CTPS1: variants seen among roughly 807,000 people sequenced by gnomAD.
The protein encoded by CTPS1 is CTP synthase 1.
A neutral mutation model predicts 80.5 loss-of-function variants in CTPS1; 25 were observed. That is an observed-to-expected ratio of 0.31 (90% CI 0.23 to 0.43). The LOEUF (loss-of-function observed/expected upper bound fraction) is 0.43, where lower values mean the gene tolerates loss of function less well. Ranked by LOEUF, CTPS1 falls within the 20% of genes least tolerant of loss-of-function variation. The pLI, the probability that CTPS1 is intolerant of heterozygous loss-of-function variation, is 1.00. For missense variants in CTPS1, 442 were observed against 725.7 expected (o/e 0.61, Z 4.49); for synonymous variants, 267 against 252.5 (o/e 1.06, Z -0.54).
At position 41,002,239 on chromosome 1, in the gene CTPS1, A is replaced by C; in HGVS notation, c.1174A>C (p.Lys392Gln). 1 of 1,614,166 alleles carries C rather than the reference A, an allele frequency of 6.2e-7. No individual in the cohort carries two copies. Among genetic ancestry groups the C allele is most frequent in the Non-Finnish European group, 8.5e-7 (1 of 1,180,016 alleles). Residue 392 changes from lysine (K) to glutamine (Q), a missense_variant, in exon 11 of 19, where the codon AAA becomes CAA. Lys to Gln is a moderately conservative substitution (Grantham distance 53). Around this residue, in one of 4 missense-constraint regions of CTPS1, gnomAD observed 321 missense variants for 467.2 expected, o/e 0.69. Transcript: ENST00000650070. The stretch of plus-strand genomic sequence containing the variant: ...AGCAATTGCCTGGGCTCGGAATCAG[A>C]AAAAGCCTTTTTTGGGTAAGGAGCT... ...IQAIAWARNQ[K>Q]KPFLGVCLGM... is the part of the protein sequence containing the mutation.
At chr1:40,996,112 C>A (rs1275390993) in intron 8 of CTPS1, 44 bp downstream of exon 8, 11 of 1,610,534 alleles carry the variant, frequency 6.8e-6, no homozygotes, top group Non-Finnish European at 8.5e-6. Flanking sequence ...CTCCTTTACT[C>A]TTTTGTAGGG....
rs1229392946 is a variant in CTPS1 at position 41,012,051 on chromosome 1, G to C, written c.*403G>C. ...CACATGGACTTACCGAGCATGGAGAGAGGATTTTAGCTAGGATTTGAACAC... is the reference window on the plus strand; with the variant it reads ...CACATGGACTTACCGAGCATGGAGACAGGATTTTAGCTAGGATTTGAACAC... On this transcript the variant is annotated 3_prime_UTR_variant, in exon 19 of 19. Coordinates refer to ENST00000650070, the MANE Select transcript of CTPS1 (RefSeq NM_001905.4). The C allele has an allele frequency of 6.6e-6, 1 of 152,208 alleles. No homozygotes were observed. The highest frequency in any genetic ancestry group is 1.5e-5 in the Non-Finnish European group (1 of 68,060). The allele number at this position is 152,208 out of a possible 1,614,324, so 9.4% of individuals were successfully genotyped here. A position where few individuals can be genotyped will look rare whatever the true frequency, so the allele number is the denominator to read the frequency against.
intron 11 of CTPS1, 44 bp downstream of exon 11, chr1:41,002,298 A>G: frequency 1.3e-6 from 2 of 1,538,880 alleles, no homozygotes; most frequent in Non-Finnish European, 1.8e-6. Flanking sequence ...AGTAGGAAAG[A>G]GTGGGGAACG....
chr1:41,000,625 T>C, intron 9 of CTPS1, among the ~76,000 whole-genome samples: 1 of 152,080 alleles, frequency 6.6e-6, no homozygotes, highest in East Asian at 1.9e-4. Context: ...TATTTTATTG[T>C]ATGTGAATTA....
chr1:40,986,596 C>T (rs1642459356), intron 3 of CTPS1, among the ~76,000 whole-genome samples: 1 of 152,168 alleles, frequency 6.6e-6, no homozygotes, highest in South Asian at 2.1e-4. Context: ...AAATGAATAT[C>T]CTTGTGCATG....
chr1:41,000,626 A>C (rs1219824751), intron 9 of CTPS1, among the ~76,000 whole-genome samples: 55 of 152,168 alleles, frequency 3.6e-4, no homozygotes, highest in Non-Finnish European at 1.3e-4. Context: ...ATTTTATTGT[A>C]TGTGAATTAT....
rs776425369 is a variant in CTPS1 at position 41,007,780 on chromosome 1, C to G, written c.1393+235C>G. 6.6e-6 allele frequency among the ~76,000 whole-genome samples: 1 copy of G among 152,170 alleles called. No individual in the cohort carries two copies. Among genetic ancestry groups the G allele is most frequent in the Non-Finnish European group, 1.5e-5 (1 of 68,038 alleles). On this transcript the variant is annotated intron_variant, in intron 14 of 18. Transcript: ENST00000650070. This position sits in a 1 kb window ranked among gnomAD's most constrained non-coding sequence, Gnocchi z 4.4. ...GTGCAGTCAGACTCCTAGGCATGGG[C>G]GCCTCAACAGAATGAGGCAGTGAGG...
At chr1:41,001,178 T>G (rs1570970770) in intron 10 of CTPS1, 61 bp downstream of exon 10, 5 of 1,271,092 alleles carry the variant, frequency 3.9e-6, no homozygotes, top group Admixed American at 2.5e-5. Flanking sequence ...AATGAAAAAG[T>G]CCTCTTGTTT....
rs138684503 is a variant in CTPS1 at position 40,986,227 on chromosome 1, G to C, written c.338-1145G>C. ...GAGTGACTGGGGAAAGCCACTTTGG[G>C]CAGGTGGTCGGGGAGTCTCCCAAGA... On this transcript the variant is annotated intron_variant, in intron 3 of 18. Transcript: ENST00000650070. Among the ~76,000 whole-genome samples the C allele has an allele frequency of 3.9e-3, 597 of 152,378 alleles. 3 individuals are homozygous for C. Among genetic ancestry groups the C allele is most frequent in the African/African-American group, 0.013 (557 of 41,592 alleles).
At chr1:41,008,426 A>G (rs1386679187) in intron 14 of CTPS1, among the ~76,000 whole-genome samples, 1 of 152,164 alleles carries the variant, frequency 6.6e-6, no homozygotes, top group Non-Finnish European at 1.5e-5. Flanking sequence ...GGTGGTGGTG[A>G]GAGTCTTGTT....
At chr1:40,983,711 C>T (rs557183209) in intron 2 of CTPS1, among the ~76,000 whole-genome samples, 1 of 151,774 alleles carries the variant, frequency 6.6e-6, no homozygotes, top group Non-Finnish European at 1.5e-5. Context: ...CAGCTTCCAC[C>T]TCCTTGGCTC....
At chr1:40,998,516 C>A (rs893586477) in intron 9 of CTPS1, among the ~76,000 whole-genome samples, 2 of 151,932 alleles carry the variant, frequency 1.3e-5, no homozygotes, top group Non-Finnish European at 2.9e-5. Context: ...CCTCTTTGTG[C>A]CTCAGTTTCC....
rs755366418 is a variant in CTPS1, at chr1:40,988,584, GTTC to G, written c.439-5_439-3del. 3.7e-6 allele frequency: 6 copies of G among 1,603,408 alleles called. No individual in the cohort carries two copies. The highest frequency in any genetic ancestry group is 5.1e-6 in the Non-Finnish European group (6 of 1,170,564). ...AGTGCCTAACCTCTGAAACAACTTT[GTTC>G]TTCTAGCTTGGTGGAACCGTGGGGG... On this transcript the variant is annotated splice_polypyrimidine_tract_variant and splice_region_variant and intron_variant, in intron 4 of 18. Coordinates refer to ENST00000650070, the MANE Select transcript of CTPS1 (RefSeq NM_001905.4).
chr1:40,999,373 T>G (rs755090522), intron 9 of CTPS1, among the ~76,000 whole-genome samples: 1 of 152,072 alleles, frequency 6.6e-6, no homozygotes, highest in African/African-American at 2.4e-5. Context: ...ACTGCAGGGT[T>G]TAGGTAGGAG....
In CTPS1 at chr1:40,984,863, A is replaced by G. The variant is rs766634874; in HGVS notation, c.209A>G (p.Asp70Gly). 6.3e-7 allele frequency: 1 copy of G among 1,595,840 alleles called. No homozygotes were observed. Among genetic ancestry groups the G allele is most frequent in the Non-Finnish European group, 8.6e-7 (1 of 1,168,054 alleles). Residue 70 changes from aspartate (D) to glycine (G), a missense_variant, in exon 3 of 19, where the codon GAC (aspartate) becomes GGC (glycine). By Grantham distance (94) the Asp-to-Gly change is moderately conservative. Around this residue, in one of 4 missense-constraint regions of CTPS1, gnomAD observed 69 missense variants for 102.1 expected, o/e 0.68. Transcript: ENST00000650070. Reference sequence around the variant, plus strand: ...GATGATGGTGGGGAAGTAGACCTTGACCTGGGTAACTATGAGCGGTTCCTT... The same window carrying G: ...GATGATGGTGGGGAAGTAGACCTTGGCCTGGGTAACTATGAGCGGTTCCTT... ...VLDDGGEVDL[D>G]LGNYERFLDI...
intron 3 of CTPS1, 110 bp from the exon 4 acceptor site, chr1:40,987,262 C>G (rs1449506994): frequency 5.2e-6 from 4 of 774,934 alleles, no homozygotes; most frequent in African/African-American, 5.1e-5. Context: ...GACCCTATTG[C>G]TACTCTCTCC....
At chr1:40,993,618 C>A (rs780717661) in intron 7 of CTPS1, among the ~76,000 whole-genome samples, 3 of 152,106 alleles carry the variant, frequency 2.0e-5, no homozygotes, top group Non-Finnish European at 4.4e-5. Context: ...AGATTACAGG[C>A]GTGAGCCGGC....
intron 6 of CTPS1, 73 bp from the exon 7 acceptor site, chr1:40,991,692 A>G (rs1011953955): frequency 9.8e-7 from 1 of 1,022,310 alleles, no homozygotes; most frequent in Non-Finnish European, 1.5e-6. Context: ...GTCTGTTTTA[A>G]TTTCAGTCAG....
Position 41,009,549 on chromosome 1 carries a change from C to T in CTPS1, c.1651C>T (p.Leu551Phe). ...CCTCCTCCTGGCCTCTGTGGGGCGG[C>T]TCTCACATTACCTCCAGAAAGGCTG... ...FGLLLASVGR[L>F]SHYLQKGCRL... Residue 551 changes from leucine to phenylalanine, a missense_variant, in exon 17 of 19, where the codon CTC becomes TTC. This residue lies in a region of CTPS1 where 321 missense variants were observed against 467.2 expected (regional missense o/e 0.69). Transcript: ENST00000650070. 1.9e-6 allele frequency: 3 copies of T among 1,614,160 alleles called. No homozygotes were observed. Among genetic ancestry groups the T allele is most frequent in the Non-Finnish European group, 2.5e-6 (3 of 1,180,034 alleles).
Sources: gnomAD v4.1 joint callset for allele counts (sites outside exome capture counted in the v4.1 genomes callset) on GRCh38, gnomAD v4.1.1 for gene constraint, gnomAD v4.1.1 regional missense constraint, Gnocchi (gnomAD v3.1) non-coding constraint, MANE v1.5 for transcripts, NCBI Gene and HGNC (gene_info 2026-07-23, HGNC 2026-07-21) for gene names.